Variants in MBD5 observed in about 807,000 individuals in gnomAD.
MBD5 encodes the protein methyl-CpG binding domain protein 5.
In MBD5, 13 loss-of-function variants were observed where a neutral mutation model predicts 117.3. That is an observed-to-expected ratio of 0.11 (90% CI 0.07 to 0.18). MBD5 has a LOEUF of 0.18. MBD5 is among the 10% of genes least tolerant of loss of function. MBD5 has a pLI of 1.00. For synonymous variants in MBD5, 727 were observed against 766.4 expected (o/e 0.95, Z 0.85); for missense variants, 1,879 against 2,093.8 (o/e 0.90, Z 2.00).
chr2:148,363,875 G>A (rs1372611095), intron 4 of MBD5, among the ~76,000 whole-genome samples: 2 of 152,310 alleles, frequency 1.3e-5, no homozygotes, highest in Middle Eastern at 3.4e-3. Context: ...TTTGATTGGT[G>A]TACCTGAAAG....
chr2:148,179,266 A>G, intron 2 of MBD5, among the ~76,000 whole-genome samples: 1 of 151,694 alleles, frequency 6.6e-6, no homozygotes, highest in Non-Finnish European at 1.5e-5. Flanking sequence ...GAGGCAGGAG[A>G]ATGGCGTGAA....
chr2:148,505,617 C>T (rs925097505), intron 12 of MBD5, among the ~76,000 whole-genome samples: 5 of 152,004 alleles, frequency 3.3e-5, no homozygotes, highest in Non-Finnish European at 5.9e-5. Flanking sequence ...GGTATACACA[C>T]AAAATGGCTA....
chr2:148,091,554 G>A (rs1695944149), intron 1 of MBD5, among the ~76,000 whole-genome samples: 1 of 152,088 alleles, frequency 6.6e-6, no homozygotes. Context: ...ACATAAAGTG[G>A]AGAAAGGATA....
At chr2:148,303,408 G>A (rs1574261630) in intron 3 of MBD5, among the ~76,000 whole-genome samples, 2 of 152,190 alleles carry the variant, frequency 1.3e-5, no homozygotes, top group Non-Finnish European at 2.9e-5. Context: ...TACCACAACA[G>A]CACAGCAGGG....
At chr2:148,240,017 A>C (rs1252436161) in intron 3 of MBD5, among the ~76,000 whole-genome samples, 1 of 152,202 alleles carries the variant, frequency 6.6e-6, no homozygotes, top group African/African-American at 2.4e-5. Context: ...GAACCAACTC[A>C]AATGTCCATC....
At chr2:148,030,600 A>G (rs996470863) in intron 1 of MBD5, among the ~76,000 whole-genome samples, 2 of 152,206 alleles carry the variant, frequency 1.3e-5, no homozygotes, top group African/African-American at 4.8e-5. Flanking sequence ...GAAGATAGGT[A>G]TCAAATTCCA....
chr2:148,101,662 G>A (rs1374966350), intron 1 of MBD5, among the ~76,000 whole-genome samples: 1 of 152,118 alleles, frequency 6.6e-6, no homozygotes, highest in Non-Finnish European at 1.5e-5. Context: ...AAACATGCTA[G>A]CTAGTTAGGA....
chr2:148,189,372 G>A (rs1698771194), intron 2 of MBD5, among the ~76,000 whole-genome samples: 1 of 151,230 alleles, frequency 6.6e-6, no homozygotes, highest in Non-Finnish European at 1.5e-5. Flanking sequence ...CAGCTTTGAA[G>A]AGAGCAGTGG....
At chr2:148,095,510 A>G (rs192069416) in intron 1 of MBD5, among the ~76,000 whole-genome samples, 12 of 152,248 alleles carry the variant, frequency 7.9e-5, no homozygotes, top group Admixed American at 4.6e-4. Flanking sequence ...CCAAAGTGCT[A>G]TAGTAATATA....
At chr2:148,219,722 C>A (rs963171925) in intron 2 of MBD5, among the ~76,000 whole-genome samples, 2 of 152,078 alleles carry the variant, frequency 1.3e-5, no homozygotes, top group Admixed American at 6.6e-5. Context: ...GACACTTTTT[C>A]CTATCCTAAG....
intron 4 of MBD5, among the ~76,000 whole-genome samples, chr2:148,406,316 G>A (rs1361790806): frequency 6.6e-6 from 1 of 152,154 alleles, no homozygotes; most frequent in Non-Finnish European, 1.5e-5. Flanking sequence ...TTCTTAGGCT[G>A]TTATAATCTC....
intron 7 of MBD5, among the ~76,000 whole-genome samples, chr2:148,466,063 T>C (rs1280080863): frequency 1.3e-5 from 2 of 152,174 alleles, no homozygotes; most frequent in African/African-American, 4.8e-5. Flanking sequence ...TGATACTCTT[T>C]ATGGGATTGA....
chr2:148,098,433 A>G (rs1302425412), intron 1 of MBD5, among the ~76,000 whole-genome samples: 5 of 152,298 alleles, frequency 3.3e-5, no homozygotes, highest in East Asian at 1.9e-4. Context: ...CTAGCTAAAT[A>G]TATAGATTTT....
At chr2:148,123,953 A>G (rs1159995734) in intron 1 of MBD5, among the ~76,000 whole-genome samples, 1 of 152,200 alleles carries the variant, frequency 6.6e-6, no homozygotes, top group South Asian at 2.1e-4. Flanking sequence ...TTTTTAAAAG[A>G]AACTTTAATT....
At chr2:148,307,847 T>C (rs1701930402) in intron 3 of MBD5, among the ~76,000 whole-genome samples, 1 of 151,838 alleles carries the variant, frequency 6.6e-6, no homozygotes, top group South Asian at 2.1e-4. Context: ...TGTGACCATA[T>C]GTTCTCATTG....
chr2:148,436,097 G>A (rs767260465), intron 4 of MBD5, among the ~76,000 whole-genome samples: 1 of 152,120 alleles, frequency 6.6e-6, no homozygotes, highest in South Asian at 2.1e-4. Context: ...GACCAGCAAT[G>A]TTTCTGTTTA....
chr2:148,449,166 T>A (rs996417641), intron 4 of MBD5, among the ~76,000 whole-genome samples: 15 of 152,106 alleles, frequency 9.9e-5, no homozygotes, highest in African/African-American at 3.6e-4. Context: ...AAAAAGTAAA[T>A]TTTTTTAAAG....
chr2:148,179,628 T>C (rs1463632301), intron 2 of MBD5, among the ~76,000 whole-genome samples: 1 of 152,196 alleles, frequency 6.6e-6, no homozygotes. Flanking sequence ...TAGCATATTC[T>C]TTCACGTAGC....
chr2:148,327,051 G>C (rs1371325841), intron 3 of MBD5, among the ~76,000 whole-genome samples: 1 of 151,816 alleles, frequency 6.6e-6, no homozygotes, highest in East Asian at 1.9e-4. Context: ...AAATCTCTCA[G>C]CATTTGCTTG....
Sources: allele counts gnomAD v4.1 joint callset (sites outside exome capture counted in the v4.1 genomes callset), GRCh38; gene constraint gnomAD v4.1.1; transcripts MANE v1.5; gene names NCBI Gene and HGNC (gene_info 2026-07-23, HGNC 2026-07-21).